The following PAN2 variants were observed in gnomAD, a reference collection of about 807,000 sequenced individuals.
PAN2 encodes poly(A) specific ribonuclease subunit PAN2.
PAN2 carries 68 observed loss-of-function variants against 133.3 expected under a neutral mutation model. The observed-to-expected ratio is 0.51, with a 90% CI of 0.42 to 0.62. The LOEUF is 0.62. Among genes scored for constraint, PAN2 ranks in the 20% least tolerant of loss-of-function variants. PAN2 has a pLI of 0.00. For synonymous variants in PAN2, 462 were observed against 544.6 expected, an observed-to-expected ratio of 0.85 and a Z score of 2.11; for missense variants, 1,042 against 1,500.5, an observed-to-expected ratio of 0.69 and a Z score of 5.05.
rs559197236 is a variant in PAN2, at chr12:56,318,898, T to G, written c.3364+190A>C. On this transcript the variant is annotated intron_variant, in intron 24 of 25. Transcript: ENST00000440411. ...CCCTAATGTCATTCTTATGTCCATATGTACTCATTGTTTAGTTCCAACTTA... is the reference window on the plus strand; with the variant it reads ...CCCTAATGTCATTCTTATGTCCATAGGTACTCATTGTTTAGTTCCAACTTA... 5.3e-5 allele frequency among the ~76,000 whole-genome samples: 8 copies of G among 152,324 alleles called. No homozygotes were observed. The East Asian group carries it at 1.2e-3, about 22-fold the overall frequency.
At chr12:56,323,411 T>C (rs1232351596) in intron 15 of PAN2, 27 bp from the exon 16 acceptor site, 1 of 1,611,504 alleles carries the variant, frequency 6.2e-7, no homozygotes, top group South Asian at 1.1e-5. Context: ...AACATCCAGT[T>C]CTTCAGGAAT....
At chr12:56,318,456 T>A in intron 24 of PAN2, 22 bp from the exon 25 acceptor site, 1 of 1,598,000 alleles carries the variant, frequency 6.3e-7, no homozygotes, top group Non-Finnish European at 8.6e-7. Context: ...AAAGGTGGAA[T>A]AGTTTGGGAC....
At chr12:56,327,253 G>T in intron 6 of PAN2, 111 bp downstream of exon 6, 1 of 1,213,616 alleles carries the variant, frequency 8.2e-7, no homozygotes, top group South Asian at 1.4e-5. Flanking sequence ...GGACCCTGAT[G>T]AAAGGTTACT....
intron 8 of PAN2, among the ~76,000 whole-genome samples, chr12:56,325,789 C>T (rs762991073): frequency 1.1e-4 from 16 of 152,196 alleles, no homozygotes; most frequent in Non-Finnish European, 1.5e-4. Flanking sequence ...TAATTTTAAT[C>T]GCTCACTACA....
intron 2 of PAN2, among the ~76,000 whole-genome samples, chr12:56,331,880 A>C (rs1333610480): frequency 1.3e-5 from 2 of 151,758 alleles, no homozygotes; most frequent in Non-Finnish European, 2.9e-5. Context: ...TGCCCAGCTA[A>C]TTTTTTGCAT....
Position 56,324,334 on chromosome 12 carries a change from C to A in PAN2, c.1888G>T (p.Glu630Ter). The A allele has an allele frequency of 6.2e-7, 1 of 1,614,116 alleles. No individual in the cohort carries two copies. The highest frequency in any genetic ancestry group is 1.1e-5 in the South Asian group (1 of 91,080). The part of the protein sequence containing the change: ...ILTQLHQDMQ[E>*]LEIPQAYRGA... ...CGATAAGCCTGTGGTATTTCCAGCT[C>A]CTGCATATCTTGATGCAGTTGAGTG... The change falls in exon 12 of 26, where the codon GAG becomes TAG. Residue 630 changes from glutamate (E) to a stop codon, truncating the protein, a stop_gained. Transcript: ENST00000440411. LOFTEE classifies it high-confidence loss of function.
chr12:56,319,777 A>G lies in PAN2; in HGVS notation c.2947-13T>C. On this transcript the variant is annotated splice_polypyrimidine_tract_variant and intron_variant, in intron 21 of 25. Coordinates refer to ENST00000440411, the MANE Select transcript of PAN2 (RefSeq NM_014871.6). This position sits in a 1 kb window ranked among gnomAD's most constrained non-coding sequence, Gnocchi z 5.4. ...ACTCTGCTTCCTCCTACATGAGAAG[A>G]GTTAATAAGGAAATCAGAGAAATGC... is the stretch of plus-strand genomic sequence containing the variant. The G allele has an allele frequency of 6.2e-7, 1 of 1,612,344 alleles. No homozygotes were observed. Among genetic ancestry groups the G allele is most frequent in the Non-Finnish European group, 8.5e-7 (1 of 1,179,130 alleles).
Position 56,327,405 on chromosome 12 carries a change from A to G in PAN2, c.878T>C (p.Ile293Thr). ...VHVDPAFLRF[I>T]PTYTSRLAII... Reference sequence around the variant, plus strand: ...AGCAAGACGAGAAGTATATGTAGGAATGAAGCGCAAGAAGGCAGGATCCAC... The same window carrying G: ...AGCAAGACGAGAAGTATATGTAGGAGTGAAGCGCAAGAAGGCAGGATCCAC... The change falls in exon 6 of 26, where the codon ATT becomes ACT. Residue 293 changes from isoleucine to threonine, a missense_variant. This residue lies in a region of PAN2 where 908 missense variants were observed against 1,223.5 expected (regional missense o/e 0.74). Coordinates refer to ENST00000440411, the MANE Select transcript of PAN2 (RefSeq NM_014871.6). 1 of 1,614,212 alleles carries G rather than the reference A, an allele frequency of 6.2e-7. No homozygotes were observed. The highest frequency in any genetic ancestry group is 8.5e-7 in the Non-Finnish European group (1 of 1,180,040).
chr12:56,328,216 C>T (rs1565636806), intron 4 of PAN2, 22 bp downstream of exon 4: 2 of 1,587,102 alleles, frequency 1.3e-6, no homozygotes, highest in South Asian at 1.1e-5. Context: ...CCACATAGGT[C>T]TTTCTTGCCC....
chr12:56,331,709 TTTTTTG>T (rs1490835373), intron 2 of PAN2, among the ~76,000 whole-genome samples: 9 of 132,464 alleles, frequency 6.8e-5, no homozygotes, highest in African/African-American at 2.3e-4. Flanking sequence ...CGTTTTTTTT[TTTTTTG>T]TTTTTTGTTT....
intron 10 of PAN2, 65 bp downstream of exon 10, chr12:56,324,944 C>A: frequency 6.3e-7 from 1 of 1,581,998 alleles, no homozygotes; most frequent in South Asian, 1.2e-5. Context: ...AGAGCAGGGT[C>A]GAGAGCCATA....
chr12:56,331,722 G>GT (rs1555167418), intron 2 of PAN2, among the ~76,000 whole-genome samples: 60 of 132,082 alleles, frequency 4.5e-4, no homozygotes, highest in African/African-American at 7.5e-4. Context: ...TTTGTTTTTT[G>GT]TTTTTTTTTG....
chr12:56,322,766 G>A lies in PAN2; in HGVS notation c.2494-8C>T. The A allele has an allele frequency of 6.2e-7, 1 of 1,610,522 alleles. No homozygotes were observed. Among genetic ancestry groups the A allele is most frequent in the Non-Finnish European group, 8.5e-7 (1 of 1,179,098 alleles). Reference sequence around the variant, plus strand: ...TGCCCTGGCTGGGCCCCACTGTGAGGGGGGTACCCAGGCTGCTAAGCTAAG... The same window carrying A: ...TGCCCTGGCTGGGCCCCACTGTGAGAGGGGTACCCAGGCTGCTAAGCTAAG... On this transcript the variant is annotated splice_region_variant and splice_polypyrimidine_tract_variant and intron_variant, in intron 17 of 25. Transcript: ENST00000440411.
chr12:56,319,999 A>C lies in PAN2; in HGVS notation c.2811T>G (p.Ser937Arg). The C allele has an allele frequency of 1.9e-6, 3 of 1,614,202 alleles. No individual in the cohort carries two copies. The change falls in exon 21 of 26, where the codon AGT (serine) becomes AGG (arginine). Residue 937 changes from serine (S) to arginine (R), a missense_variant. By Grantham distance (110) the Ser-to-Arg change is moderately radical. This residue lies in a region of PAN2 where 908 missense variants were observed against 1,223.5 expected (regional missense o/e 0.74). Transcript: ENST00000440411. This position sits in a 1 kb window ranked among gnomAD's most constrained non-coding sequence, Gnocchi z 5.4. The stretch of plus-strand genomic sequence containing the variant: ...CCAGCGAGGCTTCAGCCAGCAAGAC[A>C]CTTGCCTCAATAGGGTTCTTGACTA... Reference protein sequence around the residue: ...NLNIKNPIEASVLLAEASLAR... With the variant: ...NLNIKNPIEARVLLAEASLAR...
At chr12:56,317,875 T>C (rs1874079857) in intron 25 of PAN2, among the ~76,000 whole-genome samples, 1 of 152,202 alleles carries the variant, frequency 6.6e-6, no homozygotes. Context: ...TCTCCATATG[T>C]GCAATCAAAA....
rs952467409 is a variant in PAN2, at chr12:56,326,605, G to A, written c.1262+12C>T. The A allele has an allele frequency of 5.0e-6, 8 of 1,603,930 alleles. No homozygotes were observed. The highest frequency in any genetic ancestry group is 2.2e-5 in the East Asian group (1 of 44,644). Reference sequence around the variant, plus strand: ...GTCCCTCCCGCCTTTTGGCCCAGAGGTAGGGTACAACCTGGGAGCTGGAGC... The same window carrying A: ...GTCCCTCCCGCCTTTTGGCCCAGAGATAGGGTACAACCTGGGAGCTGGAGC... On this transcript the variant is annotated intron_variant, in intron 7 of 25. Transcript: ENST00000440411.
chr12:56,327,246 C>T (rs1456372357), intron 6 of PAN2, 118 bp downstream of exon 6: 21 of 1,124,930 alleles, frequency 1.9e-5, no homozygotes, highest in Non-Finnish European at 2.7e-5. Flanking sequence ...AACCTTGGGA[C>T]CCTGATGAAA....
chr12:56,332,775 A>C (rs777533405), intron 2 of PAN2, 38 bp downstream of exon 2: 1 of 1,599,166 alleles, frequency 6.3e-7, no homozygotes, highest in Non-Finnish European at 8.6e-7. Flanking sequence ...AAAGACCTTC[A>C]ACATCTTTCA....
In PAN2 at chr12:56,322,202, A is replaced by G. The variant is rs1314220249; in HGVS notation, c.2698-34T>C. On this transcript the variant is annotated intron_variant, in intron 19 of 25. Transcript: ENST00000440411. ...GAGAAAAAGCACTTATGGCTAATGT[A>G]TATCACCCTTTTCCTTTTCCCCCAC... is the stretch of plus-strand genomic sequence containing the variant. 5 of 1,354,800 alleles carry G rather than the reference A, an allele frequency of 3.7e-6. No homozygotes were observed. In the African/African-American group the frequency reaches 4.3e-5, roughly 12 times the overall value. The allele number at this position is 1,354,800 out of a possible 1,614,324, so 83.9% of individuals were successfully genotyped here.
Sources: allele counts gnomAD v4.1 joint callset (sites outside exome capture counted in the v4.1 genomes callset), GRCh38; gene constraint gnomAD v4.1.1; regional missense constraint gnomAD v4.1.1; non-coding constraint Gnocchi (gnomAD v3.1); transcripts MANE v1.5; gene names NCBI Gene and HGNC (gene_info 2026-07-23, HGNC 2026-07-21).